The following TANGO6 variants were observed in gnomAD, a reference collection of about 807,000 sequenced individuals.
The protein encoded by TANGO6 is transport and golgi organization 6 homolog.
A neutral mutation model predicts 114.2 loss-of-function variants in TANGO6; 90 were observed. The ratio of observed to expected loss-of-function variants is 0.79; its 90% CI spans 0.66 to 0.94. The LOEUF is 0.94. Ranked by LOEUF, TANGO6 falls within the 40% of genes least tolerant of loss-of-function variation. The pLI, the probability that TANGO6 is intolerant of heterozygous loss-of-function variation, is 0.00. For synonymous variants in TANGO6, 477 were observed against 509.8 expected (o/e 0.94, Z 0.87); for missense variants, 1,274 against 1,315.3 (o/e 0.97, Z 0.49).
rs2152167304 is a variant in TANGO6, at chr16:68,875,228, T to C, written c.1069T>C (p.Leu357=). 3 of 1,613,830 alleles carry C rather than the reference T, an allele frequency of 1.9e-6. No homozygotes were observed. The East Asian group carries it at 6.7e-5, about 36-fold the overall frequency. ...WKKCDLIAKI[L]ASCPQQSLSP... Reference sequence around the variant, plus strand: ...GAAGTGTGACCTGATCGCAAAGATTTTGGCCTCTTGTCCCCAGCAGTCTCT... The same window carrying C: ...GAAGTGTGACCTGATCGCAAAGATTCTGGCCTCTTGTCCCCAGCAGTCTCT... Residue 357 remains leucine (L), a synonymous_variant, in exon 5 of 18, where the codon TTG becomes CTG. Transcript: ENST00000261778.
chr16:69,041,711 C>A (rs370080047), intron 17 of TANGO6, among the ~76,000 whole-genome samples: 1 of 152,184 alleles, frequency 6.6e-6, no homozygotes, highest in African/African-American at 2.4e-5. Flanking sequence ...TTCTCCTCCA[C>A]CTTGTATAGG....
At position 69,085,029 on chromosome 16, in the gene TANGO6, A is replaced by T. The variant is rs1174218515; in HGVS notation, c.*1368A>T. 4 of 152,338 alleles carry T rather than the reference A, an allele frequency of 2.6e-5. No individual in the cohort carries two copies. The highest frequency in any genetic ancestry group is 9.7e-5 in the African/African-American group (4 of 41,440). The allele number at this position is 152,338 out of a possible 1,614,324, so 9.4% of individuals were successfully genotyped here. A position where few individuals can be genotyped will look rare whatever the true frequency, so the allele number is the denominator to read the frequency against. ...AAATCTAGCTAGGTGTGTTTAAGGA[A>T]TATTTCCATTCAGCTAGTGTAGCTG... is the stretch of plus-strand genomic sequence containing the variant. On this transcript the variant is annotated 3_prime_UTR_variant, in exon 18 of 18. Transcript: ENST00000261778.
chr16:68,948,271 T>C (rs918615038), intron 14 of TANGO6: 2 of 152,236 alleles, frequency 1.3e-5, no homozygotes, highest in Admixed American at 1.3e-4. Context: ...AAGATTGCCT[T>C]GGATGTAAAG....
In TANGO6 at chr16:68,942,172, A is replaced by G. The variant is rs1158826549; in HGVS notation, c.2701+11877A>G. On this transcript the variant is annotated intron_variant, in intron 14 of 17. Coordinates refer to ENST00000261778, the MANE Select transcript of TANGO6 (RefSeq NM_024562.2). ...TGGCGAAACCCCATCTCTACTAAAA[A>G]TACAAGTTAGCTGGACGTGGTGGCA... Among the ~76,000 whole-genome samples the G allele has an allele frequency of 2.0e-5, 3 of 152,034 alleles. No individual in the cohort carries two copies. The East Asian group carries it at 5.8e-4, about 29-fold the overall frequency.
chr16:69,064,009 G>A (rs1205313129), intron 17 of TANGO6, among the ~76,000 whole-genome samples: 1 of 151,870 alleles, frequency 6.6e-6, no homozygotes, highest in African/African-American at 2.4e-5. Flanking sequence ...GCTAATTTTT[G>A]TGTTTTTAGC....
At chr16:68,958,590 A>G (rs576945910) in intron 14 of TANGO6, among the ~76,000 whole-genome samples, 2 of 151,968 alleles carry the variant, frequency 1.3e-5, no homozygotes, top group African/African-American at 4.8e-5. Flanking sequence ...AAGAAAAAAA[A>G]CCTCTTTTAA....
At chr16:68,954,647 T>C (rs561545480) in intron 14 of TANGO6, among the ~76,000 whole-genome samples, 2 of 152,314 alleles carry the variant, frequency 1.3e-5, no homozygotes, top group South Asian at 4.1e-4. Flanking sequence ...GAATTCAGTC[T>C]CTCCTTAAGC....
At chr16:69,025,723 C>T (rs1057134741) in intron 16 of TANGO6, 2 of 152,462 alleles carry the variant, frequency 1.3e-5, no homozygotes, top group African/African-American at 2.4e-5. Context: ...ATTTGGCTGC[C>T]TCCTGTAGAT....
intron 15 of TANGO6, among the ~76,000 whole-genome samples, chr16:69,013,997 G>A (rs1487589114): frequency 2.0e-5 from 3 of 151,966 alleles, no homozygotes; most frequent in Non-Finnish European, 4.4e-5. Flanking sequence ...CTTTTTTGAT[G>A]TTTCATATTG....
At chr16:68,886,733 A>ACTC (rs1470741571) in intron 7 of TANGO6, among the ~76,000 whole-genome samples, 1 of 149,036 alleles carries the variant, frequency 6.7e-6, no homozygotes, top group East Asian at 2.0e-4. Flanking sequence ...CTGGTCTTGA[A>ACTC]CTCCTGACCT....
intron 7 of TANGO6, among the ~76,000 whole-genome samples, chr16:68,881,054 G>T (rs1330748460): frequency 6.6e-6 from 1 of 152,180 alleles, no homozygotes; most frequent in Non-Finnish European, 1.5e-5. Context: ...CTCCCTAAGA[G>T]CTGGGATTAC....
At chr16:68,990,300 G>T (rs529631432) in intron 15 of TANGO6, among the ~76,000 whole-genome samples, 4 of 152,176 alleles carry the variant, frequency 2.6e-5, no homozygotes, top group Non-Finnish European at 5.9e-5. Context: ...TGCTGGGGAG[G>T]CCTCACAATT....
At chr16:68,920,049 A>G (rs1480244585) in intron 12 of TANGO6, among the ~76,000 whole-genome samples, 3 of 152,300 alleles carry the variant, frequency 2.0e-5, no homozygotes, top group South Asian at 4.1e-4. Flanking sequence ...CTCCATCTCA[A>G]AAAAAATTAA....
intron 14 of TANGO6, among the ~76,000 whole-genome samples, chr16:68,968,612 G>A (rs1247137601): frequency 1.3e-5 from 2 of 150,896 alleles, no homozygotes; most frequent in Middle Eastern, 3.5e-3. Flanking sequence ...TGGTCCACCC[G>A]CCTCGGCCTC....
chr16:68,877,544 G>A (rs1284281703), intron 5 of TANGO6, among the ~76,000 whole-genome samples: 2 of 151,440 alleles, frequency 1.3e-5, no homozygotes, highest in Non-Finnish European at 2.9e-5. Flanking sequence ...CCTAAAATGA[G>A]CCTGTATTTT....
At chr16:68,973,362 G>C (rs577226790) in intron 14 of TANGO6, among the ~76,000 whole-genome samples, 1 of 152,250 alleles carries the variant, frequency 6.6e-6, no homozygotes, top group East Asian at 1.9e-4. Flanking sequence ...ATAAACAACA[G>C]TATAGACATG....
intron 17 of TANGO6, among the ~76,000 whole-genome samples, chr16:69,065,769 G>A (rs975303680): frequency 8.5e-5 from 13 of 152,130 alleles, no homozygotes; most frequent in African/African-American, 1.4e-4. Flanking sequence ...CCGTCCTGAC[G>A]CTTTCAGTGA....
rs1343680540 is a variant in TANGO6 at position 69,040,441 on chromosome 16, T to C, written c.3108+20T>C. 2 of 1,562,138 alleles carry C rather than the reference T, an allele frequency of 1.3e-6. No individual in the cohort carries two copies. Among genetic ancestry groups the C allele is most frequent in the East Asian group, 4.6e-5 (2 of 43,014 alleles). ...ACTGAGGTCAGTCCGTCTCTCGCCCTTTGCAATTTCTCCACCTCTTTTATT... is the reference window on the plus strand; with the variant it reads ...ACTGAGGTCAGTCCGTCTCTCGCCCCTTGCAATTTCTCCACCTCTTTTATT... On this transcript the variant is annotated intron_variant, in intron 17 of 17. Coordinates refer to ENST00000261778, the MANE Select transcript of TANGO6 (RefSeq NM_024562.2).
At chr16:69,051,126 A>G (rs1352073898) in intron 17 of TANGO6, among the ~76,000 whole-genome samples, 1 of 152,090 alleles carries the variant, frequency 6.6e-6, no homozygotes, top group Admixed American at 6.5e-5. Flanking sequence ...AATAAAAATA[A>G]AATTACATAA....
Sources: gnomAD v4.1 joint callset for allele counts (sites outside exome capture counted in the v4.1 genomes callset) on GRCh38, gnomAD v4.1.1 for gene constraint, MANE v1.5 for transcripts, NCBI Gene and HGNC (gene_info 2026-07-23, HGNC 2026-07-21) for gene names.